The following SDAD1 variants were observed in gnomAD, a reference collection of about 807,000 sequenced individuals.
SDAD1 encodes the protein protein SDA1 homolog.
In SDAD1, 79 loss-of-function variants were observed where a neutral mutation model predicts 100.3. The ratio of observed to expected loss-of-function variants is 0.79; its 90% CI spans 0.66 to 0.95. The LOEUF (loss-of-function observed/expected upper bound fraction) is 0.95. Among genes scored for constraint, SDAD1 ranks in the 40% least tolerant of loss-of-function variants. SDAD1 has a pLI of 0.00. For missense variants in SDAD1, 790 were observed against 810.9 expected (o/e 0.97, Z 0.31); for synonymous variants, 267 against 271.4 (o/e 0.98, Z 0.16).
rs562595103 is a variant in SDAD1, at chr4:75,967,770, G to T, written c.988-436C>A. Among the ~76,000 whole-genome samples, 26 of 141,944 alleles carry T rather than the reference G, an allele frequency of 1.8e-4. No homozygotes were observed. In the South Asian group the frequency reaches 2.1e-3, roughly 11 times the overall value. The allele number at this position is 141,944 out of a possible 152,430, so 93.1% of individuals were successfully genotyped here. A position where few individuals can be genotyped will look rare whatever the true frequency, so the allele number is the denominator to read the frequency against. Reference sequence around the variant, plus strand: ...CACCGAGTATAATTTAATCAGCAAAGCTCACTCCTGGTTATATTCTTGTAT... The same window carrying T: ...CACCGAGTATAATTTAATCAGCAAATCTCACTCCTGGTTATATTCTTGTAT... On this transcript the variant is annotated intron_variant, in intron 11 of 21. Coordinates refer to ENST00000356260, the MANE Select transcript of SDAD1 (RefSeq NM_018115.4).
At chr4:75,956,487 C>G (rs755420591) in intron 20 of SDAD1, among the ~76,000 whole-genome samples, 1 of 148,712 alleles carries the variant, frequency 6.7e-6, no homozygotes, top group South Asian at 2.1e-4. Flanking sequence ...GAAGAAGGGA[C>G]AGTGCACACA....
At chr4:75,981,120 AGCT>A (rs1309270181) in intron 3 of SDAD1, among the ~76,000 whole-genome samples, 1 of 152,242 alleles carries the variant, frequency 6.6e-6, no homozygotes, top group Non-Finnish European at 1.5e-5. Flanking sequence ...ATCACAGTGT[AGCT>A]GAAAACAATA....
chr4:75,965,677 G>C (rs943858273), intron 13 of SDAD1, 87 bp downstream of exon 13: 3 of 1,015,514 alleles, frequency 3.0e-6, no homozygotes, highest in Non-Finnish European at 4.6e-6. Flanking sequence ...ATTATCGGGG[G>C]CAGGTTCCCC....
chr4:75,973,433 T>C (rs1729980326), intron 7 of SDAD1, 42 bp from the exon 8 acceptor site: 1 of 1,398,056 alleles, frequency 7.2e-7, no homozygotes, highest in East Asian at 2.3e-5. Context: ...TGATTCAGCT[T>C]AAAATAAAGA....
chr4:75,988,373 A>G (rs1252111730), intron 1 of SDAD1, among the ~76,000 whole-genome samples: 3 of 152,102 alleles, frequency 2.0e-5, no homozygotes, highest in African/African-American at 7.2e-5. Context: ...CAAGGTCTTT[A>G]TACCTTCTGT....
intron 17 of SDAD1, among the ~76,000 whole-genome samples, chr4:75,959,117 A>AAAAC (rs1560537784): frequency 2.7e-5 from 4 of 148,458 alleles, no homozygotes; most frequent in Admixed American, 6.7e-5. Flanking sequence ...AAAAAAAAAA[A>AAAAC]AAAAAAAAAA....
At chr4:75,953,211 T>G (rs899045921) in intron 21 of SDAD1, among the ~76,000 whole-genome samples, 21 of 152,342 alleles carry the variant, frequency 1.4e-4, no homozygotes, top group African/African-American at 2.9e-4. Context: ...AAAAGATTCT[T>G]CAATCTTTGA....
At position 75,950,031 on chromosome 4, in the gene SDAD1, T is replaced by C. The variant is rs1036784925; in HGVS notation, c.*719A>G. On this transcript the variant is annotated 3_prime_UTR_variant, in exon 22 of 22. Coordinates refer to ENST00000356260, the MANE Select transcript of SDAD1 (RefSeq NM_018115.4). The stretch of plus-strand genomic sequence containing the variant: ...GGCAGCTCAAATGATGAACTAAATA[T>C]ATTCCAAAGGTACTATTTATACTTA... The C allele has an allele frequency of 6.7e-6, 1 of 149,444 alleles. No homozygotes were observed. Among genetic ancestry groups the C allele is most frequent in the Non-Finnish European group, 1.5e-5 (1 of 67,624 alleles). 9.3% of individuals were successfully genotyped at this position (149,444 alleles called of 1,614,324 possible). A position where few individuals can be genotyped will look rare whatever the true frequency, so the allele number is the denominator to read the frequency against.
chr4:75,983,785 T>C (rs2149331103), intron 1 of SDAD1, among the ~76,000 whole-genome samples: 1 of 152,310 alleles, frequency 6.6e-6, no homozygotes, highest in East Asian at 1.9e-4. Flanking sequence ...AGAAGCTCTT[T>C]AGTTTAATTA....
intron 1 of SDAD1, among the ~76,000 whole-genome samples, chr4:75,982,604 A>G (rs1730602148): frequency 1.3e-5 from 2 of 152,092 alleles, no homozygotes; most frequent in Admixed American, 6.6e-5. Flanking sequence ...AGCTATGATC[A>G]TGCCACTGCA....
At chr4:75,986,174 A>G (rs1730880313) in intron 1 of SDAD1, among the ~76,000 whole-genome samples, 2 of 152,070 alleles carry the variant, frequency 1.3e-5, no homozygotes, top group Admixed American at 1.3e-4. Context: ...GTTTCCGTGC[A>G]GTGGTGCTAT....
intron 8 of SDAD1, among the ~76,000 whole-genome samples, chr4:75,972,379 C>A (rs1346244282): frequency 6.6e-6 from 1 of 150,720 alleles, no homozygotes; most frequent in Non-Finnish European, 1.5e-5. Flanking sequence ...AGCTGTAATA[C>A]TCACAGTGAA....
chr4:75,969,301 G>A lies in SDAD1; in HGVS notation c.982C>T (p.His328Tyr). 4 of 1,609,242 alleles carry A rather than the reference G, an allele frequency of 2.5e-6. No homozygotes were observed. The highest frequency in any genetic ancestry group is 3.4e-6 in the Non-Finnish European group (4 of 1,176,102). ...MNLISRLVGIHELFLFNFYPF... is the reference protein window; with the variant it reads ...MNLISRLVGIYELFLFNFYPF... ...AAACATAATATAATTCAAACCTCAT[G>A]AATTCCCACCAATCTGGAGATAAGG... Residue 328 changes from histidine to tyrosine, a missense_variant, in exon 11 of 22, where the codon CAT (histidine) becomes TAT (tyrosine). Coordinates refer to ENST00000356260, the MANE Select transcript of SDAD1 (RefSeq NM_018115.4).
intron 17 of SDAD1, among the ~76,000 whole-genome samples, chr4:75,958,179 T>A (rs927896375): frequency 3.3e-5 from 5 of 152,156 alleles, no homozygotes; most frequent in African/African-American, 7.2e-5. Flanking sequence ...TCTCTAACCC[T>A]CATAACTCCA....
intron 3 of SDAD1, among the ~76,000 whole-genome samples, chr4:75,979,486 T>G (rs976442463): frequency 2.6e-5 from 4 of 152,074 alleles, no homozygotes; most frequent in Non-Finnish European, 5.9e-5. Context: ...ATTATTTTTT[T>G]TTTTTGAGAC....
intron 21 of SDAD1, among the ~76,000 whole-genome samples, chr4:75,951,676 A>C (rs1728636925): frequency 6.6e-6 from 1 of 152,220 alleles, no homozygotes; most frequent in Non-Finnish European, 1.5e-5. Context: ...GAGAAAAAGA[A>C]GACTGAAGGA....
chr4:75,987,750 C>T (rs540091006), intron 1 of SDAD1, among the ~76,000 whole-genome samples: 2 of 152,294 alleles, frequency 1.3e-5, no homozygotes, highest in South Asian at 4.1e-4. Context: ...GATTCACCCA[C>T]CTTGGCCTCC....
At position 75,966,465 on chromosome 4, in the gene SDAD1, T is replaced by TTAA. The variant is rs1433945026; in HGVS notation, c.1046-644_1046-643insTTA. Among the ~76,000 whole-genome samples, 6 of 152,164 alleles carry TTAA rather than the reference T, an allele frequency of 3.9e-5. No individual in the cohort carries two copies. In the East Asian group the frequency reaches 1.2e-3, roughly 29 times the overall value. On this transcript the variant is annotated intron_variant, in intron 12 of 21. Transcript: ENST00000356260. ...ATACCTCACAAGATTAATGTGAGGATTAGACAAAATGACGTATGTAAGGCA... is the reference window on the plus strand; with the variant it reads ...ATACCTCACAAGATTAATGTGAGGATTAATAGACAAAATGACGTATGTAAGGCA...
intron 21 of SDAD1, among the ~76,000 whole-genome samples, chr4:75,954,754 G>A (rs1284175583): frequency 6.6e-6 from 1 of 152,212 alleles, no homozygotes; most frequent in African/African-American, 2.4e-5. Context: ...GAGAGCCTAT[G>A]AACGGACGTG....
Sources: allele counts gnomAD v4.1 joint callset (sites outside exome capture counted in the v4.1 genomes callset), GRCh38; gene constraint gnomAD v4.1.1; transcripts MANE v1.5; gene names NCBI Gene and HGNC (gene_info 2026-07-23, HGNC 2026-07-21).